Variants in NAALADL2 observed in about 807,000 individuals in gnomAD.
NAALADL2 encodes inactive N-acetylated-alpha-linked acidic dipeptidase-like protein 2.
Under a neutral mutation model 87.2 loss-of-function variants are expected in NAALADL2, and 76 were observed. That is an observed-to-expected ratio of 0.87 (90% CI 0.72 to 1.05). The LOEUF (loss-of-function observed/expected upper bound fraction) is 1.05, where lower values mean the gene tolerates loss of function less well. Ranked by LOEUF, NAALADL2 falls within the 50% of genes least tolerant of loss-of-function variation. The pLI, the probability that NAALADL2 is intolerant of heterozygous loss-of-function variation, is 0.00. For synonymous variants in NAALADL2, 354 were observed against 331.0 expected (o/e 1.07, Z -0.75); for missense variants, 1,089 against 945.8 (o/e 1.15, Z -1.99).
intron 1 of NAALADL2, among the ~76,000 whole-genome samples, chr3:174,930,107 T>C (rs2086849983): frequency 1.3e-5 from 2 of 152,158 alleles, no homozygotes; most frequent in South Asian, 4.1e-4. Flanking sequence ...AAGGACATAA[T>C]TGAGGGAAGG....
intron 9 of NAALADL2, among the ~76,000 whole-genome samples, chr3:175,476,538 T>G (rs1233702771): frequency 2.0e-5 from 3 of 152,184 alleles, no homozygotes; most frequent in Admixed American, 2.0e-4. Context: ...CCATCTGTCT[T>G]TTCAAACCTC....
chr3:175,002,969 C>T (rs999719522), intron 1 of NAALADL2, among the ~76,000 whole-genome samples: 2 of 152,144 alleles, frequency 1.3e-5, no homozygotes, highest in Admixed American at 1.3e-4. Flanking sequence ...TATGAGTCTA[C>T]TGTTATGCTC....
At chr3:174,745,221 G>C (rs771392622) in intron 3 of NAALADL2, among the ~76,000 whole-genome samples, 1 of 151,784 alleles carries the variant, frequency 6.6e-6, no homozygotes, top group Non-Finnish European at 1.5e-5. Flanking sequence ...AGAAAAGAGA[G>C]AAGAATCAAA....
At chr3:174,824,584 G>GGTACAAGAACA (rs1721782423) in intron 3 of NAALADL2, among the ~76,000 whole-genome samples, 1 of 152,102 alleles carries the variant, frequency 6.6e-6, no homozygotes, top group East Asian at 1.9e-4. Flanking sequence ...CCACATAAGT[G>GGTACAAGAACA]ATTTGACTTA....
chr3:174,618,569 T>C (rs1234838171), intron 2 of NAALADL2, among the ~76,000 whole-genome samples: 2 of 151,832 alleles, frequency 1.3e-5, no homozygotes, highest in East Asian at 3.9e-4. Flanking sequence ...CTTGGATTAA[T>C]CTACTGAAAG....
At chr3:175,123,276 C>T (rs1183110771) in intron 2 of NAALADL2, among the ~76,000 whole-genome samples, 1 of 151,864 alleles carries the variant, frequency 6.6e-6, no homozygotes, top group East Asian at 1.9e-4. Context: ...TTATAAAGTG[C>T]TCAGACTTTT....
intron 1 of NAALADL2, among the ~76,000 whole-genome samples, chr3:174,952,249 T>C (rs1282289901): frequency 6.6e-6 from 1 of 152,188 alleles, no homozygotes; most frequent in Non-Finnish European, 1.5e-5. Context: ...TTGTCTTATA[T>C]TTTAATCTTC....
intron 9 of NAALADL2, among the ~76,000 whole-genome samples, chr3:175,574,692 G>A (rs1040490498): frequency 7.2e-5 from 11 of 151,884 alleles, no homozygotes; most frequent in South Asian, 2.1e-4. Context: ...AAATTTCATC[G>A]TCCCTGTTAA....
intron 10 of NAALADL2, among the ~76,000 whole-genome samples, chr3:175,587,830 C>T (rs1212589425): frequency 6.6e-6 from 1 of 152,092 alleles, no homozygotes; most frequent in African/African-American, 2.4e-5. Flanking sequence ...AGTTCATAAC[C>T]CACACAAATA....
chr3:174,966,387 A>C (rs1742876021), intron 1 of NAALADL2, among the ~76,000 whole-genome samples: 1 of 152,148 alleles, frequency 6.6e-6, no homozygotes, highest in African/African-American at 2.4e-5. Context: ...GTTGTATGGA[A>C]ACCTATTGGA....
At chr3:174,564,559 T>A (rs887368108) in intron 2 of NAALADL2, among the ~76,000 whole-genome samples, 1 of 152,178 alleles carries the variant, frequency 6.6e-6, no homozygotes, top group Non-Finnish European at 1.5e-5. Flanking sequence ...TAACTGTTAA[T>A]TTTGTCTAAG....
intron 10 of NAALADL2, among the ~76,000 whole-genome samples, chr3:175,615,719 G>T (rs1242073447): frequency 2.0e-5 from 3 of 151,594 alleles, no homozygotes; most frequent in East Asian, 1.9e-4. Context: ...TCAGCCAGGC[G>T]TGTGGCACGC....
At chr3:175,396,537 G>A (rs1339626666) in intron 5 of NAALADL2, among the ~76,000 whole-genome samples, 1 of 133,730 alleles carries the variant, frequency 7.5e-6, no homozygotes, top group African/African-American at 2.6e-5. Flanking sequence ...TAACCAAATG[G>A]ATTTTTTTTT....
chr3:174,787,769 C>T (rs1004800661), intron 3 of NAALADL2, among the ~76,000 whole-genome samples: 4 of 150,392 alleles, frequency 2.7e-5, no homozygotes, highest in Non-Finnish European at 5.9e-5. Flanking sequence ...AGTGTCAATA[C>T]GTTGTATGTA....
chr3:174,553,788 G>A (rs1578153928), intron 2 of NAALADL2, among the ~76,000 whole-genome samples: 2 of 152,096 alleles, frequency 1.3e-5, no homozygotes, highest in Admixed American at 6.5e-5. Context: ...AGTTAGAGTC[G>A]TTTTCCATTT....
At chr3:175,075,205 ACAGT>A (rs1400917172) in intron 1 of NAALADL2, among the ~76,000 whole-genome samples, 2 of 152,148 alleles carry the variant, frequency 1.3e-5, no homozygotes, top group Admixed American at 6.5e-5. Context: ...AAGCTGTCAA[ACAGT>A]CACTGAACCT....
chr3:175,253,020 T>C (rs1028307408), intron 3 of NAALADL2, among the ~76,000 whole-genome samples: 1 of 152,166 alleles, frequency 6.6e-6, no homozygotes, highest in Non-Finnish European at 1.5e-5. Context: ...CATCTTCTAA[T>C]ATAGAAGCCA....
At chr3:175,587,704 C>A (rs115525848) in intron 10 of NAALADL2, among the ~76,000 whole-genome samples, 2,046 of 152,160 alleles carry the variant, frequency 0.013, 45 homozygotes, top group African/African-American at 0.046. Flanking sequence ...TACTGGTCCC[C>A]AAGCCCCTCA....
Position 175,234,044 on chromosome 3 carries a change from T to C in NAALADL2, c.659T>C (p.Leu220Pro). The change falls in exon 3 of 14, where the codon CTG (leucine) becomes CCG (proline). Residue 220 changes from leucine (L) to proline (P), a missense_variant. Transcript: ENST00000454872. ...GTACAGTTTGTAAATTACTCTGTGC[T>C]GCTTGATCTGCCAGGCCCTTCTCCC... Reference protein sequence around the residue: ...EDVQFVNYSVLLDLPGPSPST... With the variant: ...EDVQFVNYSVPLDLPGPSPST... 1 of 1,613,960 alleles carries C rather than the reference T, an allele frequency of 6.2e-7. No individual in the cohort carries two copies. Among genetic ancestry groups the C allele is most frequent in the Non-Finnish European group, 8.5e-7 (1 of 1,179,844 alleles).
Sources: gnomAD v4.1 joint callset for allele counts (sites outside exome capture counted in the v4.1 genomes callset) on GRCh38, gnomAD v4.1.1 for gene constraint, MANE v1.5 for transcripts, NCBI Gene and HGNC (gene_info 2026-07-23, HGNC 2026-07-21) for gene names.